TAFA2: variants seen among roughly 807,000 people sequenced by gnomAD.
The protein encoded by TAFA2 is TAFA chemokine like family member 2.
A neutral mutation model predicts 18.8 loss-of-function variants in TAFA2; 7 were observed. The ratio of observed to expected loss-of-function variants is 0.37; its 90% CI spans 0.21 to 0.70. The LOEUF (loss-of-function observed/expected upper bound fraction) is 0.70. TAFA2 is among the 30% of genes least tolerant of loss of function. The probability of loss-of-function intolerance (pLI) is 0.53; values close to 1 mark genes in which losing one functional copy is unlikely to be tolerated. For missense variants in TAFA2, 122 were observed against 158.1 expected, an observed-to-expected ratio of 0.77 and a Z score of 1.23; for synonymous variants, 60 against 54.2, an observed-to-expected ratio of 1.11 and a Z score of -0.47.
chr12:62,157,258 G>T (rs577676763), intron 1 of TAFA2, among the ~76,000 whole-genome samples: 4 of 151,578 alleles, frequency 2.6e-5, no homozygotes, highest in African/African-American at 9.7e-5. Context: ...AAAATGATTT[G>T]GGAAGAGGAT....
At chr12:61,930,675 C>T (rs1877518678) in intron 1 of TAFA2, among the ~76,000 whole-genome samples, 1 of 152,222 alleles carries the variant, frequency 6.6e-6, no homozygotes, top group East Asian at 1.9e-4. Flanking sequence ...GGACATTAGA[C>T]TCGGTGAATA....
At chr12:62,220,764 AG>A (rs2062757023) in intron 1 of TAFA2, among the ~76,000 whole-genome samples, 2 of 152,112 alleles carry the variant, frequency 1.3e-5, no homozygotes. Context: ...AAAAAAAAAT[AG>A]TCTATTTAGA....
Position 62,081,725 on chromosome 12 carries a change from T to C in TAFA2, c.-2+109534A>G, listed in dbSNP as rs374353920. Among the ~76,000 whole-genome samples the C allele has an allele frequency of 7.2e-5, 11 of 152,118 alleles. No individual in the cohort carries two copies. In the East Asian group the frequency reaches 1.4e-3, roughly 19 times the overall value. On this transcript the variant is annotated intron_variant, in intron 1 of 4. Coordinates refer to ENST00000416284, the MANE Select transcript of TAFA2 (RefSeq NM_178539.5). ...GTCTTGAACTGCTGACCTCAAATGATCCGCCCGCCTCAGCCTCCCAAAGTG... is the reference window on the plus strand; with the variant it reads ...GTCTTGAACTGCTGACCTCAAATGACCCGCCCGCCTCAGCCTCCCAAAGTG...
At chr12:62,002,702 A>C (rs147943852) in intron 1 of TAFA2, among the ~76,000 whole-genome samples, 424 of 152,246 alleles carry the variant, frequency 2.8e-3, no homozygotes, top group African/African-American at 9.7e-3. Context: ...TAGTCCTTCC[A>C]ACACTCTGGC....
chr12:62,234,778 G>C (rs1270113062), intron 1 of TAFA2: 2 of 1,057,120 alleles, frequency 1.9e-6, no homozygotes, highest in African/African-American at 3.1e-5. Flanking sequence ...TGTGGAGCAG[G>C]TCTGGGATGC....
At chr12:62,207,436 A>G (rs2062696788) in intron 1 of TAFA2, among the ~76,000 whole-genome samples, 2 of 152,062 alleles carry the variant, frequency 1.3e-5, no homozygotes, top group Admixed American at 1.3e-4. Flanking sequence ...AAAAATGCTG[A>G]CATGGTCTGT....
intron 1 of TAFA2, among the ~76,000 whole-genome samples, chr12:61,976,543 C>A (rs1055755950): frequency 6.6e-6 from 1 of 151,398 alleles, no homozygotes; most frequent in African/African-American, 2.4e-5. Flanking sequence ...AATTTTTTTT[C>A]ATTTCTTTAT....
At chr12:61,850,182 A>T (rs920823305) in intron 2 of TAFA2, among the ~76,000 whole-genome samples, 1 of 152,082 alleles carries the variant, frequency 6.6e-6, no homozygotes. Flanking sequence ...AGGGAGAGGG[A>T]TCAGTTAGGA....
At chr12:62,055,549 TGAC>T (rs1882166989) in intron 1 of TAFA2, among the ~76,000 whole-genome samples, 1 of 152,150 alleles carries the variant, frequency 6.6e-6, no homozygotes, top group South Asian at 2.1e-4. Context: ...ACCATTTCAA[TGAC>T]AAACTAGAAA....
intron 1 of TAFA2, among the ~76,000 whole-genome samples, chr12:62,222,605 C>T (rs1404511594): frequency 6.6e-6 from 1 of 151,890 alleles, no homozygotes; most frequent in Non-Finnish European, 1.5e-5. Flanking sequence ...CCTCCCGGGT[C>T]ATGCCATTCT....
In TAFA2 at chr12:61,903,020, G is replaced by T. The variant is rs74096106; in HGVS notation, c.-1-35594C>A. Among the ~76,000 whole-genome samples the T allele has an allele frequency of 7.5e-3, 1,140 of 151,864 alleles. 11 individuals carry two copies. Among genetic ancestry groups the T allele is most frequent in the African/African-American group, 0.027 (1,101 of 41,388 alleles). Reference sequence around the variant, plus strand: ...TTTTACACTTCTATTCTTGCCCAACGCTGACCTTCACTTCAACAATGAACT... The same window carrying T: ...TTTTACACTTCTATTCTTGCCCAACTCTGACCTTCACTTCAACAATGAACT... On this transcript the variant is annotated intron_variant, in intron 1 of 4. Transcript: ENST00000416284.
intron 1 of TAFA2, among the ~76,000 whole-genome samples, chr12:62,157,982 A>G (rs1001902970): frequency 6.6e-6 from 1 of 152,162 alleles, no homozygotes; most frequent in African/African-American, 2.4e-5. Flanking sequence ...AAATTTACAT[A>G]TCTATATGTC....
At chr12:62,086,189 C>A (rs1341142988) in intron 1 of TAFA2, among the ~76,000 whole-genome samples, 58 of 143,538 alleles carry the variant, frequency 4.0e-4, no homozygotes, top group Non-Finnish European at 6.9e-4. Flanking sequence ...CAAAACAAAA[C>A]AAAAACAAAA....
At chr12:62,078,076 C>T (rs73123946) in intron 1 of TAFA2, among the ~76,000 whole-genome samples, 14,852 of 152,122 alleles carry the variant, frequency 0.098, 946 homozygotes, top group Non-Finnish European at 0.14. Context: ...CTTGAGACAG[C>T]ACAGGTCCCG....
intron 1 of TAFA2, among the ~76,000 whole-genome samples, chr12:61,927,629 A>G (rs1877360456): frequency 1.3e-5 from 2 of 152,198 alleles, no homozygotes; most frequent in Non-Finnish European, 2.9e-5. Context: ...TCAAGCTACC[A>G]TTGACTTTCT....
At chr12:61,919,533 C>T (rs1876964982) in intron 1 of TAFA2, among the ~76,000 whole-genome samples, 3 of 152,268 alleles carry the variant, frequency 2.0e-5, no homozygotes, top group Non-Finnish European at 4.4e-5. Context: ...AGTTCCATGT[C>T]TATATCCAGA....
chr12:62,059,474 A>T (rs1882287447), intron 1 of TAFA2, among the ~76,000 whole-genome samples: 1 of 152,110 alleles, frequency 6.6e-6, no homozygotes, highest in Non-Finnish European at 1.5e-5. Context: ...ATAGAATGTC[A>T]CCAGGTAACA....
intron 2 of TAFA2, among the ~76,000 whole-genome samples, chr12:61,840,460 A>G (rs1213522610): frequency 6.6e-6 from 1 of 151,972 alleles, no homozygotes; most frequent in Non-Finnish European, 1.5e-5. Context: ...TATATTAAAT[A>G]TCCACCTCCA....
chr12:61,890,702 T>C (rs549563937), intron 1 of TAFA2, among the ~76,000 whole-genome samples: 64 of 152,254 alleles, frequency 4.2e-4, no homozygotes, highest in African/African-American at 1.4e-3. Flanking sequence ...TCTTGACAGG[T>C]TAAATTTTGA....
Sources: allele counts gnomAD v4.1 joint callset (sites outside exome capture counted in the v4.1 genomes callset), GRCh38; gene constraint gnomAD v4.1.1; transcripts MANE v1.5; gene names NCBI Gene and HGNC (gene_info 2026-07-23, HGNC 2026-07-21).